TACR1: variants seen among roughly 807,000 people sequenced by gnomAD.
TACR1 encodes tachykinin receptor 1.
TACR1 carries 25 observed loss-of-function variants against 35.8 expected under a neutral mutation model. That is an observed-to-expected ratio of 0.70 (90% CI 0.51 to 0.98). The LOEUF (loss-of-function observed/expected upper bound fraction) is 0.98, where lower values mean the gene tolerates loss of function less well. Among genes scored for constraint, TACR1 ranks in the 50% least tolerant of loss-of-function variants. TACR1 has a pLI of 0.00. For missense variants in TACR1, 478 were observed against 522.9 expected (o/e 0.91, Z 0.84); for synonymous variants, 195 against 206.7 (o/e 0.94, Z 0.48).
In TACR1 at chr2:75,158,653, G is replaced by A. The variant is rs539423368; in HGVS notation, c.390-37885C>T. 3.3e-3 allele frequency among the ~76,000 whole-genome samples: 505 copies of A among 152,276 alleles called. 3 individuals are homozygous for A. The highest frequency in any genetic ancestry group is 0.011 in the African/African-American group (456 of 41,550). ...CCTGCTGAATATGTGATGTTGCATA[G>A]GGAGACAGCTGAATGTTTGCAACAT... On this transcript the variant is annotated intron_variant, in intron 1 of 4. Coordinates refer to ENST00000305249, the MANE Select transcript of TACR1 (RefSeq NM_001058.4).
At chr2:75,155,491 AC>A (rs3834174) in intron 1 of TACR1, among the ~76,000 whole-genome samples, 8,535 of 151,396 alleles carry the variant, frequency 0.056, 533 homozygotes, top group East Asian at 0.17. Flanking sequence ...GCCCCATTCA[AC>A]CCCCACCTGA....
At chr2:75,096,147 C>A (rs1023652278) in intron 2 of TACR1, among the ~76,000 whole-genome samples, 9 of 152,220 alleles carry the variant, frequency 5.9e-5, no homozygotes, top group Non-Finnish European at 1.2e-4. Flanking sequence ...CTTTTGGGCA[C>A]TGGGGAGAGC....
intron 1 of TACR1, among the ~76,000 whole-genome samples, chr2:75,184,597 A>G (rs966881659): frequency 6.6e-6 from 1 of 151,836 alleles, no homozygotes; most frequent in Non-Finnish European, 1.5e-5. Context: ...TGGTTTCAAA[A>G]TAACTATTAA....
chr2:75,197,822 G>T (rs1676029720), intron 1 of TACR1, among the ~76,000 whole-genome samples: 1 of 152,038 alleles, frequency 6.6e-6, no homozygotes, highest in Non-Finnish European at 1.5e-5. Flanking sequence ...ACACCTCTTG[G>T]GTAAGCTTCC....
At chr2:75,105,447 T>C (rs1022253038) in intron 2 of TACR1, among the ~76,000 whole-genome samples, 1 of 151,978 alleles carries the variant, frequency 6.6e-6, no homozygotes, top group African/African-American at 2.4e-5. Flanking sequence ...GTTGCAGCAA[T>C]CTATTGTATA....
intron 2 of TACR1, among the ~76,000 whole-genome samples, chr2:75,097,867 G>C (rs911968066): frequency 3.9e-5 from 6 of 152,146 alleles, no homozygotes; most frequent in African/African-American, 1.4e-4. Flanking sequence ...AAGGCCAGTG[G>C]TATGCTGGTA....
chr2:75,167,160 A>C (rs1572973742), intron 1 of TACR1, among the ~76,000 whole-genome samples: 2 of 152,228 alleles, frequency 1.3e-5, no homozygotes, highest in African/African-American at 2.4e-5. Flanking sequence ...TCAGAGGTAA[A>C]ATGGAAAACT....
intron 1 of TACR1, among the ~76,000 whole-genome samples, chr2:75,151,427 A>T (rs546904311): frequency 1.3e-5 from 2 of 152,334 alleles, no homozygotes; most frequent in East Asian, 3.9e-4. Context: ...AAAGGGGCCA[A>T]TGTACAGCTT....
Position 75,110,479 on chromosome 2 carries a change from G to A in TACR1, c.584+10095C>T, listed in dbSNP as rs542253019. ...TCCACATCAAAGGCAAAAACATTGC[G>A]TATTAAATTTTGCTGCATAATTTTC... is the stretch of plus-strand genomic sequence containing the variant. On this transcript the variant is annotated intron_variant, in intron 2 of 4. Coordinates refer to ENST00000305249, the MANE Select transcript of TACR1 (RefSeq NM_001058.4). 2.1e-3 allele frequency among the ~76,000 whole-genome samples: 315 copies of A among 151,738 alleles called. 2 individuals are homozygous for A. Among genetic ancestry groups the A allele is most frequent in the Middle Eastern group, 6.8e-3 (2 of 294 alleles).
chr2:75,134,507 C>T (rs1410357475), intron 1 of TACR1, among the ~76,000 whole-genome samples: 1 of 152,098 alleles, frequency 6.6e-6, no homozygotes, highest in Non-Finnish European at 1.5e-5. Flanking sequence ...CATGAGCAGA[C>T]AGGAGGACAT....
At chr2:75,191,400 C>A (rs1388953271) in intron 1 of TACR1, among the ~76,000 whole-genome samples, 1 of 152,042 alleles carries the variant, frequency 6.6e-6, no homozygotes, top group African/African-American at 2.4e-5. Flanking sequence ...AGCAGTTAGG[C>A]CAGAGAAGGG....
intron 1 of TACR1, among the ~76,000 whole-genome samples, chr2:75,178,604 T>C (rs185691711): frequency 1.3e-5 from 2 of 152,292 alleles, no homozygotes; most frequent in East Asian, 3.9e-4. Context: ...CTCCCACTTA[T>C]AACTCCACTT....
At chr2:75,049,901 G>A (rs1272267665) in intron 4 of TACR1, among the ~76,000 whole-genome samples, 178 bp from the exon 5 acceptor site, 1 of 151,994 alleles carries the variant, frequency 6.6e-6, no homozygotes, top group Non-Finnish European at 1.5e-5. Context: ...CAGTCAACAA[G>A]GTCAAATCCA....
intron 2 of TACR1, among the ~76,000 whole-genome samples, chr2:75,069,377 A>G (rs977344024): frequency 6.6e-6 from 1 of 151,746 alleles, no homozygotes; most frequent in African/African-American, 2.4e-5. Flanking sequence ...AAAAATGACA[A>G]TTTTATTTTA....
At chr2:75,187,944 A>G (rs998190747) in intron 1 of TACR1, 1 of 152,238 alleles carries the variant, frequency 6.6e-6, no homozygotes, top group African/African-American at 2.4e-5. Flanking sequence ...ATTAACTTCC[A>G]GACCCCTCAT....
chr2:75,097,373 C>T (rs1327178952), intron 2 of TACR1, among the ~76,000 whole-genome samples: 3 of 109,400 alleles, frequency 2.7e-5, no homozygotes, highest in Non-Finnish European at 5.8e-5. Flanking sequence ...ACCATTTCTT[C>T]ATTAGTTTTT....
At chr2:75,127,864 C>T (rs966487887) in intron 1 of TACR1, among the ~76,000 whole-genome samples, 1 of 152,172 alleles carries the variant, frequency 6.6e-6, no homozygotes. Flanking sequence ...CAGAACCCAT[C>T]TCTTTCAGGA....
intron 2 of TACR1, among the ~76,000 whole-genome samples, chr2:75,080,042 C>T: frequency 6.6e-6 from 1 of 152,008 alleles, no homozygotes; most frequent in East Asian, 1.9e-4. Flanking sequence ...AAGCAGTTAC[C>T]CTCCAATCTT....
intron 2 of TACR1, among the ~76,000 whole-genome samples, chr2:75,085,912 A>G (rs751776809): frequency 1.8e-4 from 28 of 152,372 alleles, no homozygotes; most frequent in Non-Finnish European, 2.6e-4. Context: ...AGTATGCACC[A>G]GTATTTTTAG....
Sources: gnomAD v4.1 joint callset for allele counts (sites outside exome capture counted in the v4.1 genomes callset) on GRCh38, gnomAD v4.1.1 for gene constraint, MANE v1.5 for transcripts, NCBI Gene and HGNC (gene_info 2026-07-23, HGNC 2026-07-21) for gene names.